Variants in FSTL5 observed in about 807,000 individuals in gnomAD.
FSTL5 encodes the protein follistatin-related protein 5.
Under a neutral mutation model 89.1 loss-of-function variants are expected in FSTL5, and 62 were observed. The observed-to-expected ratio is 0.70, with a 90% CI of 0.57 to 0.86. The LOEUF is 0.86. FSTL5 is among the 40% of genes least tolerant of loss of function. The pLI, the probability that FSTL5 is intolerant of heterozygous loss-of-function variation, is 0.00. For missense variants in FSTL5, 1,057 were observed against 1,001.6 expected (o/e 1.06, Z -0.75); for synonymous variants, 383 against 346.2 (o/e 1.11, Z -1.18).
intron 15 of FSTL5, among the ~76,000 whole-genome samples, chr4:161,430,160 G>A (rs1732305200): frequency 6.6e-6 from 1 of 151,750 alleles, no homozygotes; most frequent in Non-Finnish European, 1.5e-5. Flanking sequence ...AAGAATTAGT[G>A]AGCTTGAAGA....
intron 8 of FSTL5, among the ~76,000 whole-genome samples, chr4:161,545,962 A>G (rs1731991858): frequency 6.6e-6 from 1 of 151,924 alleles, no homozygotes. Flanking sequence ...TGGTAACTGG[A>G]GTTATTCATC....
chr4:161,933,834 C>T (rs1734358790), intron 3 of FSTL5, among the ~76,000 whole-genome samples: 1 of 151,820 alleles, frequency 6.6e-6, no homozygotes, highest in African/African-American at 2.4e-5. Context: ...CTCCTTTTAG[C>T]TGATTTTTAA....
intron 7 of FSTL5, among the ~76,000 whole-genome samples, chr4:161,606,915 T>C (rs1175422497): frequency 1.3e-5 from 2 of 152,164 alleles, no homozygotes; most frequent in African/African-American, 4.8e-5. Flanking sequence ...TTATAAATAT[T>C]GAGTCCACCA....
intron 8 of FSTL5, among the ~76,000 whole-genome samples, chr4:161,550,557 T>TTTA (rs1732167811): frequency 9.8e-5 from 14 of 142,302 alleles, no homozygotes; most frequent in African/African-American, 2.1e-4. Context: ...GTAACTTCTT[T>TTTA]TTTATTTATT....
chr4:162,153,722 A>ATATATATG (rs1733341223), intron 1 of FSTL5, among the ~76,000 whole-genome samples: 1 of 79,068 alleles, frequency 1.3e-5, no homozygotes, highest in East Asian at 2.8e-4. Context: ...GTATATAATA[A>ATATATATG]TATATGTATA....
chr4:161,439,245 A>G (rs1288797034), intron 15 of FSTL5, among the ~76,000 whole-genome samples: 1 of 152,274 alleles, frequency 6.6e-6, no homozygotes, highest in East Asian at 1.9e-4. Flanking sequence ...ATGCCTCTAC[A>G]GAACAAACAA....
rs1735369902 is a variant in FSTL5 at position 161,627,922 on chromosome 4, T to C, written c.894+28406A>G. Reference sequence around the variant, plus strand: ...TTGGAATAATTTTATGATAGTAACATATGTCAATATAACTCATTTCTCATT... The same window carrying C: ...TTGGAATAATTTTATGATAGTAACACATGTCAATATAACTCATTTCTCATT... On this transcript the variant is annotated intron_variant, in intron 7 of 15. Transcript: ENST00000306100. 3.3e-5 allele frequency among the ~76,000 whole-genome samples: 5 copies of C among 152,284 alleles called. No homozygotes were observed. In the South Asian group the frequency reaches 1.0e-3, roughly 32 times the overall value.
intron 3 of FSTL5, among the ~76,000 whole-genome samples, chr4:161,934,661 A>G (rs768080766): frequency 4.6e-5 from 7 of 151,902 alleles, no homozygotes; most frequent in Non-Finnish European, 8.8e-5. Context: ...TCATCTGTAA[A>G]ATGGAGATAT....
chr4:162,112,311 T>C (rs1731476206), intron 1 of FSTL5, among the ~76,000 whole-genome samples: 1 of 152,204 alleles, frequency 6.6e-6, no homozygotes, highest in Non-Finnish European at 1.5e-5. Context: ...GGTCTCACTT[T>C]GTTATGTAGG....
chr4:161,852,573 G>A (rs1328776979), intron 4 of FSTL5, among the ~76,000 whole-genome samples: 2 of 152,024 alleles, frequency 1.3e-5, no homozygotes, highest in Non-Finnish European at 2.9e-5. Context: ...AATATCTAGA[G>A]ACAGAAATAT....
At chr4:161,555,352 T>A (rs948767430) in intron 8 of FSTL5, among the ~76,000 whole-genome samples, 12 of 151,464 alleles carry the variant, frequency 7.9e-5, no homozygotes, top group African/African-American at 2.9e-4. Flanking sequence ...AAAGAAAATA[T>A]AACAAAAGCG....
intron 8 of FSTL5, among the ~76,000 whole-genome samples, chr4:161,579,614 G>A (rs1362409224): frequency 1.3e-5 from 2 of 151,946 alleles, no homozygotes; most frequent in Non-Finnish European, 2.9e-5. Flanking sequence ...CTACTTGGGA[G>A]GCTGAAACAG....
At chr4:162,021,584 A>ATAATTGTTATG (rs1737087369) in intron 3 of FSTL5, among the ~76,000 whole-genome samples, 1 of 152,172 alleles carries the variant, frequency 6.6e-6, no homozygotes. Flanking sequence ...ATCATAACCA[A>ATAATTGTTATG]TAGAATACTA....
At chr4:161,855,468 AATTT>A (rs1470183684) in intron 4 of FSTL5, among the ~76,000 whole-genome samples, 1 of 152,072 alleles carries the variant, frequency 6.6e-6, no homozygotes. Context: ...TTTGTTATAG[AATTT>A]ATTATTAAAT....
At chr4:161,957,004 A>G (rs1256950465) in intron 3 of FSTL5, among the ~76,000 whole-genome samples, 1 of 152,022 alleles carries the variant, frequency 6.6e-6, no homozygotes, top group Non-Finnish European at 1.5e-5. Context: ...TAGGCTATTT[A>G]TTGCAGTATG....
intron 15 of FSTL5, among the ~76,000 whole-genome samples, chr4:161,444,497 T>C (rs988937232): frequency 1.1e-4 from 16 of 151,728 alleles, no homozygotes; most frequent in Non-Finnish European, 2.4e-4. Context: ...TTGTATCTCA[T>C]ACAAATGAAA....
intron 7 of FSTL5, among the ~76,000 whole-genome samples, chr4:161,641,549 T>TG (rs2126668579): frequency 6.6e-6 from 1 of 150,884 alleles, no homozygotes; most frequent in African/African-American, 2.4e-5. Context: ...TGGAGTGCAG[T>TG]GGCGCGATCT....
At chr4:161,505,562 T>A (rs1730449536) in intron 11 of FSTL5, among the ~76,000 whole-genome samples, 1 of 152,190 alleles carries the variant, frequency 6.6e-6, no homozygotes, top group African/African-American at 2.4e-5. Context: ...TGAAAAACAC[T>A]GAATGGAAAT....
chr4:162,002,679 A>G (rs531544044), intron 3 of FSTL5, among the ~76,000 whole-genome samples: 145 of 152,288 alleles, frequency 9.5e-4, no homozygotes, highest in Non-Finnish European at 1.4e-3. Context: ...TACTACATAG[A>G]CCCAAATATA....
Sources: gnomAD v4.1 joint callset for allele counts (sites outside exome capture counted in the v4.1 genomes callset) on GRCh38, gnomAD v4.1.1 for gene constraint, MANE v1.5 for transcripts, NCBI Gene and HGNC (gene_info 2026-07-23, HGNC 2026-07-21) for gene names.